The following ANKS1B variants were observed in gnomAD, a reference collection of about 807,000 sequenced individuals.
The protein encoded by ANKS1B is ankyrin repeat and sterile alpha motif domain-containing protein 1B.
Under a neutral mutation model 148.3 loss-of-function variants are expected in ANKS1B, and 36 were observed. The ratio of observed to expected loss-of-function variants is 0.24; its 90% CI spans 0.19 to 0.32. The LOEUF (loss-of-function observed/expected upper bound fraction) is 0.32. ANKS1B is among the 10% of genes least tolerant of loss of function. The probability of loss-of-function intolerance (pLI) is 1.00; values close to 1 mark genes in which losing one functional copy is unlikely to be tolerated. For synonymous variants in ANKS1B, 542 were observed against 560.8 expected (o/e 0.97, Z 0.47); for missense variants, 1,157 against 1,542.6 (o/e 0.75, Z 4.19).
intron 1 of ANKS1B, among the ~76,000 whole-genome samples, chr12:99,906,757 A>G (rs1206422937): frequency 2.0e-5 from 3 of 152,218 alleles, no homozygotes; most frequent in African/African-American, 7.2e-5. Flanking sequence ...ATATTTTTGT[A>G]TTTTCTCCTT....
intron 8 of ANKS1B, among the ~76,000 whole-genome samples, chr12:99,699,903 A>G (rs1007680038): frequency 1.5e-4 from 23 of 152,198 alleles, no homozygotes; most frequent in African/African-American, 5.3e-4. Flanking sequence ...CTAACCCTGA[A>G]AGCACCTTTT....
chr12:99,780,722 T>G (rs1250004570), intron 5 of ANKS1B, among the ~76,000 whole-genome samples: 5 of 152,202 alleles, frequency 3.3e-5, no homozygotes, highest in African/African-American at 1.2e-4. Context: ...GGTAAAAATA[T>G]TTAGTAAATT....
chr12:99,092,900 C>T (rs2054558116), intron 15 of ANKS1B, among the ~76,000 whole-genome samples: 1 of 152,168 alleles, frequency 6.6e-6, no homozygotes, highest in African/African-American at 2.4e-5. Context: ...GTATTATTTT[C>T]ATCTTATAGA....
intron 20 of ANKS1B, among the ~76,000 whole-genome samples, chr12:98,805,149 T>C (rs1366218343): frequency 6.6e-6 from 1 of 152,232 alleles, no homozygotes; most frequent in African/African-American, 2.4e-5. Flanking sequence ...TCCTAATAAA[T>C]GTCTTCAGGC....
chr12:99,600,054 A>T (rs1050243611), intron 9 of ANKS1B, among the ~76,000 whole-genome samples: 1 of 151,948 alleles, frequency 6.6e-6, no homozygotes, highest in African/African-American at 2.4e-5. Context: ...TTCATTGGTG[A>T]ATTTTAGCCA....
intron 9 of ANKS1B, among the ~76,000 whole-genome samples, chr12:99,531,039 GC>G (rs1358878210): frequency 6.6e-6 from 1 of 151,964 alleles, no homozygotes; most frequent in Non-Finnish European, 1.5e-5. Context: ...GAGTAGCAGG[GC>G]CCTCCCAGGC....
intron 1 of ANKS1B, among the ~76,000 whole-genome samples, chr12:99,981,899 G>A (rs2095708135): frequency 6.6e-6 from 1 of 152,076 alleles, no homozygotes; most frequent in Non-Finnish European, 1.5e-5. Context: ...CATTATGTTT[G>A]ACGGGGGACA....
chr12:98,970,693 A>G (rs1225731324), intron 17 of ANKS1B, among the ~76,000 whole-genome samples: 1 of 152,222 alleles, frequency 6.6e-6, no homozygotes, highest in Non-Finnish European at 1.5e-5. Context: ...TGCCTGGCAC[A>G]GAGGAGATGC....
intron 8 of ANKS1B, among the ~76,000 whole-genome samples, chr12:99,738,563 C>A (rs1391847551): frequency 6.6e-6 from 1 of 152,148 alleles, no homozygotes; most frequent in Non-Finnish European, 1.5e-5. Context: ...TGACTGACTT[C>A]TAGATAAGAT....
rs571536782 is a variant in ANKS1B at position 99,902,391 on chromosome 12, A to G, written c.135-77002T>C. Among the ~76,000 whole-genome samples the G allele has an allele frequency of 2.0e-5, 3 of 152,308 alleles. No homozygotes were observed. In the South Asian group the frequency reaches 6.2e-4, roughly 32 times the overall value. The stretch of plus-strand genomic sequence containing the variant: ...ACACAAGACGACATCAGAAAGCTAA[A>G]CAGAAGCCAGACTGTGCTGAGCCTT... On this transcript the variant is annotated intron_variant, in intron 1 of 26. Transcript: ENST00000683438.
chr12:98,902,423 A>T (rs1229927358), intron 17 of ANKS1B, among the ~76,000 whole-genome samples: 1 of 152,222 alleles, frequency 6.6e-6, no homozygotes, highest in Non-Finnish European at 1.5e-5. Flanking sequence ...CCTCATCTGG[A>T]TGCCTGTTTT....
At chr12:99,880,767 G>A (rs2092430267) in intron 1 of ANKS1B, among the ~76,000 whole-genome samples, 1 of 152,118 alleles carries the variant, frequency 6.6e-6, no homozygotes, top group African/African-American at 2.4e-5. Flanking sequence ...TGCATGGATT[G>A]AAAGATTTGT....
chr12:99,023,600 T>A (rs940133472), intron 17 of ANKS1B, among the ~76,000 whole-genome samples: 1 of 152,030 alleles, frequency 6.6e-6, no homozygotes, highest in Non-Finnish European at 1.5e-5. Context: ...CACTGTGTAA[T>A]GGCTCTAGTT....
intron 24 of ANKS1B, among the ~76,000 whole-genome samples, chr12:98,775,211 C>T (rs1272137713): frequency 2.0e-5 from 3 of 152,118 alleles, no homozygotes; most frequent in Non-Finnish European, 2.9e-5. Flanking sequence ...AGATCTTTTG[C>T]AAGATCTCAA....
intron 16 of ANKS1B, among the ~76,000 whole-genome samples, chr12:99,072,160 A>G (rs2046485986): frequency 6.6e-6 from 1 of 152,150 alleles, no homozygotes; most frequent in African/African-American, 2.4e-5. Context: ...TCACTATGCA[A>G]TGCAGTCATG....
chr12:98,881,032 T>C (rs1042920095), intron 17 of ANKS1B, among the ~76,000 whole-genome samples: 10 of 152,206 alleles, frequency 6.6e-5, no homozygotes, highest in African/African-American at 2.4e-4. Flanking sequence ...TGAATGATGA[T>C]TTGAATAGCA....
At chr12:98,833,783 G>A (rs1326312984) in intron 17 of ANKS1B, among the ~76,000 whole-genome samples, 1 of 151,936 alleles carries the variant, frequency 6.6e-6, no homozygotes, top group East Asian at 1.9e-4. Context: ...GTTCACTGTT[G>A]CCATCGTTAT....
chr12:99,351,706 T>C (rs938862313), intron 12 of ANKS1B, among the ~76,000 whole-genome samples: 2 of 152,062 alleles, frequency 1.3e-5, no homozygotes. Flanking sequence ...AATTGGTGGC[T>C]TTATATTTAT....
chr12:99,887,548 T>C (rs1193421236), intron 1 of ANKS1B, among the ~76,000 whole-genome samples: 1 of 152,168 alleles, frequency 6.6e-6, no homozygotes, highest in Non-Finnish European at 1.5e-5. Context: ...ATAGAAGACA[T>C]GTGGAGGCAA....
Sources: allele counts gnomAD v4.1 joint callset (sites outside exome capture counted in the v4.1 genomes callset), GRCh38; gene constraint gnomAD v4.1.1; transcripts MANE v1.5; gene names NCBI Gene and HGNC (gene_info 2026-07-23, HGNC 2026-07-21).